ABHD6: variants seen among roughly 807,000 people sequenced by gnomAD.
ABHD6 encodes the protein monoacylglycerol lipase ABHD6.
ABHD6 carries 33 observed loss-of-function variants against 38.8 expected under a neutral mutation model. That is an observed-to-expected ratio of 0.85 (90% CI 0.64 to 1.14). The LOEUF (loss-of-function observed/expected upper bound fraction) is 1.14, where lower values mean the gene tolerates loss of function less well. ABHD6 is among the 50% of genes most tolerant of loss of function. The pLI, the probability that ABHD6 is intolerant of heterozygous loss-of-function variation, is 0.00. For missense variants in ABHD6, 380 were observed against 422.6 expected, an observed-to-expected ratio of 0.90 and a Z score of 0.88; for synonymous variants, 147 against 161.6, an observed-to-expected ratio of 0.91 and a Z score of 0.69.
In ABHD6 at chr3:58,256,041, A is replaced by G. The variant is rs2097432981; in HGVS notation, c.-25-521A>G. On this transcript the variant is annotated intron_variant, in intron 2 of 9. Transcript: ENST00000478253. This position sits in a 1 kb window ranked among gnomAD's most constrained non-coding sequence, Gnocchi z 4.3. ...ATTCCCCAGTGGTTAGCATTTTACC[A>G]TATTTGCTTTATTTCTCTCTCTTTT... Among the ~76,000 whole-genome samples, 1 of 151,238 alleles carries G rather than the reference A, an allele frequency of 6.6e-6. No homozygotes were observed. Among genetic ancestry groups the G allele is most frequent in the Admixed American group, 6.6e-5 (1 of 15,098 alleles).
At chr3:58,286,957 C>A (rs933095009) in intron 9 of ABHD6, among the ~76,000 whole-genome samples, 4 of 150,114 alleles carry the variant, frequency 2.7e-5, no homozygotes, top group Non-Finnish European at 3.0e-5. Context: ...AAAATTTTAT[C>A]TTGAAATAAT....
Position 58,285,403 on chromosome 3 carries a change from A to G in ABHD6, c.787A>G (p.Met263Val). ...GTCCAGATACTCTCTCCATCAGAAC[A>G]TGGACAAGATCAAGGTTCCGACGCA... ...EKSRYSLHQN[M>V]DKIKVPTQII... The change falls in exon 9 of 10, where the codon ATG becomes GTG. Residue 263 changes from methionine to valine, a missense_variant. Physicochemically the swap from Met to Val is conservative, Grantham distance 21. Coordinates refer to ENST00000478253, the MANE Select transcript of ABHD6 (RefSeq NM_001320126.2). The surrounding 1 kb of genome is among the most constrained non-coding windows in gnomAD (Gnocchi z 4.9). 6.2e-7 allele frequency: 1 copy of G among 1,614,132 alleles called. No homozygotes were observed. Among genetic ancestry groups the G allele is most frequent in the Non-Finnish European group, 8.5e-7 (1 of 1,179,990 alleles).
Position 58,285,068 on chromosome 3 carries a change from G to A in ABHD6, c.682-17G>A. 1 of 1,612,864 alleles carries A rather than the reference G, an allele frequency of 6.2e-7. No homozygotes were observed. Among genetic ancestry groups the A allele is most frequent in the Non-Finnish European group, 8.5e-7 (1 of 1,178,892 alleles). On this transcript the variant is annotated splice_polypyrimidine_tract_variant and intron_variant, in intron 7 of 9. Coordinates refer to ENST00000478253, the MANE Select transcript of ABHD6 (RefSeq NM_001320126.2). The surrounding 1 kb of genome is among the most constrained non-coding windows in gnomAD (Gnocchi z 4.9). ...GAATCTTCTCTTGCTCTCTAACTTT[G>A]GGTTATTTATCCTTAGATCCTGCAA... is the stretch of plus-strand genomic sequence containing the variant.
chr3:58,285,219 G>T lies in ABHD6; in HGVS notation c.736+80G>T. The stretch of plus-strand genomic sequence containing the variant: ...GATGGCTTTTATTTCTTAAATCTCT[G>T]ACACTTTGAATGTCTCTTTGGGCCC... On this transcript the variant is annotated intron_variant, in intron 8 of 9. Coordinates refer to ENST00000478253, the MANE Select transcript of ABHD6 (RefSeq NM_001320126.2). The surrounding 1 kb of genome is among the most constrained non-coding windows in gnomAD (Gnocchi z 4.9). 1 of 1,555,178 alleles carries T rather than the reference G, an allele frequency of 6.4e-7. No homozygotes were observed. Among genetic ancestry groups the T allele is most frequent in the South Asian group, 1.1e-5 (1 of 89,770 alleles).
intron 3 of ABHD6, among the ~76,000 whole-genome samples, chr3:58,262,441 C>A (rs2097437681): frequency 6.6e-6 from 1 of 152,132 alleles, no homozygotes; most frequent in African/African-American, 2.4e-5. Flanking sequence ...TAAAGAGGAA[C>A]CCCGAGGAGG....
chr3:58,285,550 C>T lies in ABHD6; in HGVS notation c.837+97C>T. The T allele has an allele frequency of 9.6e-7, 1 of 1,038,624 alleles. No homozygotes were observed. Among genetic ancestry groups the T allele is most frequent in the Non-Finnish European group, 1.5e-6 (1 of 674,200 alleles). The allele number at this position is 1,038,624 out of a possible 1,614,324, so 64.3% of individuals were successfully genotyped here. On this transcript the variant is annotated intron_variant, in intron 9 of 9. Coordinates refer to ENST00000478253, the MANE Select transcript of ABHD6 (RefSeq NM_001320126.2). The surrounding 1 kb of genome is among the most constrained non-coding windows in gnomAD (Gnocchi z 4.9). ...AACAAGTGGTTATTTATGGAGTGAG[C>T]TGATCGCTGCTGTCAGGAAGAGGGG...
rs75521476 is a variant in ABHD6 at position 58,269,816 on chromosome 3, C to T, written c.390+382C>T. 0.12 allele frequency among the ~76,000 whole-genome samples: 17,721 copies of T among 152,186 alleles called. 1,320 individuals are homozygous for T. The highest frequency in any genetic ancestry group is 0.21 in the African/African-American group (8,510 of 41,488). ...GGGGAGGGTGTTCTTCACATTATAACGTACTTTAGCATCTATTGCTAGCAC... is the reference window on the plus strand; with the variant it reads ...GGGGAGGGTGTTCTTCACATTATAATGTACTTTAGCATCTATTGCTAGCAC... On this transcript the variant is annotated intron_variant, in intron 5 of 9. Coordinates refer to ENST00000478253, the MANE Select transcript of ABHD6 (RefSeq NM_001320126.2). This position sits in a 1 kb window ranked among gnomAD's most constrained non-coding sequence, Gnocchi z 4.4.
rs758645813 is a variant in ABHD6 at position 58,263,655 on chromosome 3, C to T, written c.120-3534C>T. On this transcript the variant is annotated intron_variant, in intron 3 of 9. Transcript: ENST00000478253. The surrounding 1 kb of genome is among the most constrained non-coding windows in gnomAD (Gnocchi z 4.9). ...TCTCTACCTCCTGGCACACCTTCTC[C>T]AGCTTCCAGCTGATGTATGTTGAGT... Among the ~76,000 whole-genome samples, 7 of 152,230 alleles carry T rather than the reference C, an allele frequency of 4.6e-5. No homozygotes were observed. The highest frequency in any genetic ancestry group is 7.3e-5 in the Non-Finnish European group (5 of 68,044).
chr3:58,254,851 TACACACACACACACACAC>T (rs58771259), intron 2 of ABHD6, among the ~76,000 whole-genome samples: 3 of 146,894 alleles, frequency 2.0e-5, no homozygotes, highest in African/African-American at 7.5e-5. Flanking sequence ...TATATGTGTA[TACACACACACACACACAC>T]ACACACACAC....
Position 58,266,845 on chromosome 3 carries a change from T to A in ABHD6, c.120-344T>A, listed in dbSNP as rs1322938600. 6.6e-6 allele frequency among the ~76,000 whole-genome samples: 1 copy of A among 152,228 alleles called. No homozygotes were observed. Among genetic ancestry groups the A allele is most frequent in the Admixed American group, 6.5e-5 (1 of 15,280 alleles). ...AAGCCAGAGGACCAGTGCAGATGGTTCTCAAGAAATAAGTTATCACTCTCA... is the reference window on the plus strand; with the variant it reads ...AAGCCAGAGGACCAGTGCAGATGGTACTCAAGAAATAAGTTATCACTCTCA... On this transcript the variant is annotated intron_variant, in intron 3 of 9. Transcript: ENST00000478253. This position sits in a 1 kb window ranked among gnomAD's most constrained non-coding sequence, Gnocchi z 4.0.
At position 58,259,388 on chromosome 3, in the gene ABHD6, T is replaced by C. The variant is rs1362422403; in HGVS notation, c.119+2683T>C. 6.6e-6 allele frequency among the ~76,000 whole-genome samples: 1 copy of C among 152,138 alleles called. No homozygotes were observed. The highest frequency in any genetic ancestry group is 1.5e-5 in the Non-Finnish European group (1 of 68,016). On this transcript the variant is annotated intron_variant, in intron 3 of 9. Transcript: ENST00000478253. This position sits in a 1 kb window ranked among gnomAD's most constrained non-coding sequence, Gnocchi z 4.7. The stretch of plus-strand genomic sequence containing the variant: ...ACATAAAAGTCACCATTTTAAAGTG[T>C]ACAATTCAAGGCTGGGCACGATGGC...
rs535046024 is a variant in ABHD6, at chr3:58,266,972, C to G, written c.120-217C>G. Among the ~76,000 whole-genome samples, 2 of 152,204 alleles carry G rather than the reference C, an allele frequency of 1.3e-5. No homozygotes were observed. Among genetic ancestry groups the G allele is most frequent in the South Asian group, 2.1e-4 (1 of 4,822 alleles). On this transcript the variant is annotated intron_variant, in intron 3 of 9. Coordinates refer to ENST00000478253, the MANE Select transcript of ABHD6 (RefSeq NM_001320126.2). The surrounding 1 kb of genome is among the most constrained non-coding windows in gnomAD (Gnocchi z 4.0). ...CTAGAGTGATTAGTAAAATATATAC[C>G]AAAATAGTTCATTTAAGGTGTTCTC...
rs2097458243 is a variant in ABHD6, at chr3:58,287,355, T to C, written c.837+1902T>C. On this transcript the variant is annotated intron_variant, in intron 9 of 9. Transcript: ENST00000478253. The surrounding 1 kb of genome is among the most constrained non-coding windows in gnomAD (Gnocchi z 4.7). The stretch of plus-strand genomic sequence containing the variant: ...TTACCTAAATGCATCAATTTTTAAC[T>C]GGCAGGAGGTCACACTGTGGCCACA... Among the ~76,000 whole-genome samples the C allele has an allele frequency of 6.6e-6, 1 of 152,006 alleles. No individual in the cohort carries two copies. The highest frequency in any genetic ancestry group is 1.5e-5 in the Non-Finnish European group (1 of 67,870).
intron 9 of ABHD6, among the ~76,000 whole-genome samples, chr3:58,288,326 G>C (rs932107317): frequency 3.3e-5 from 5 of 152,176 alleles, no homozygotes; most frequent in African/African-American, 1.2e-4. Context: ...GGGGAGCCAT[G>C]TGCATTGTCA....
chr3:58,285,031 G>A lies in ABHD6; in HGVS notation c.682-54G>A. 1 of 1,530,854 alleles carries A rather than the reference G, an allele frequency of 6.5e-7. No homozygotes were observed. Among genetic ancestry groups the A allele is most frequent in the South Asian group, 1.1e-5 (1 of 89,348 alleles). The allele number at this position is 1,530,854 out of a possible 1,614,324, so 94.8% of individuals were successfully genotyped here. On this transcript the variant is annotated intron_variant, in intron 7 of 9. Coordinates refer to ENST00000478253, the MANE Select transcript of ABHD6 (RefSeq NM_001320126.2). The surrounding 1 kb of genome is among the most constrained non-coding windows in gnomAD (Gnocchi z 4.9). ...ATTCATTGTCCCAGAGCTGTGAGAGGCCTGAGGAAATGAATCTTCTCTTGC... is the reference window on the plus strand; with the variant it reads ...ATTCATTGTCCCAGAGCTGTGAGAGACCTGAGGAAATGAATCTTCTCTTGC...
chr3:58,280,328 T>G (rs2097452180), intron 7 of ABHD6, among the ~76,000 whole-genome samples: 1 of 152,206 alleles, frequency 6.6e-6, no homozygotes, highest in African/African-American at 2.4e-5. Context: ...TCTCACTTTA[T>G]TTTATTAATT....
At chr3:58,286,870 G>GTGTA (rs2097457742) in intron 9 of ABHD6, among the ~76,000 whole-genome samples, 1 of 75,054 alleles carries the variant, frequency 1.3e-5, no homozygotes, top group Non-Finnish European at 2.7e-5. Flanking sequence ...ATATATATAT[G>GTGTA]TATATGTATA....
chr3:58,277,966 G>T (rs545031261), intron 7 of ABHD6, among the ~76,000 whole-genome samples: 1 of 152,322 alleles, frequency 6.6e-6, no homozygotes, highest in African/African-American at 2.4e-5. Flanking sequence ...AAGCCGACTT[G>T]ATCGTGGTGG....
At chr3:58,274,570 C>T in intron 6 of ABHD6, 88 bp from the exon 7 acceptor site, 1 of 1,372,284 alleles carries the variant, frequency 7.3e-7, no homozygotes, top group Non-Finnish European at 1.0e-6. Flanking sequence ...TATATTAACT[C>T]TGGGCTGCTG....
Sources: gnomAD v4.1 joint callset for allele counts (sites outside exome capture counted in the v4.1 genomes callset) on GRCh38, gnomAD v4.1.1 for gene constraint, Gnocchi (gnomAD v3.1) non-coding constraint, MANE v1.5 for transcripts, NCBI Gene and HGNC (gene_info 2026-07-23, HGNC 2026-07-21) for gene names.